Variants in EHBP1 observed in about 807,000 individuals in gnomAD.
The protein encoded by EHBP1 is EH domain binding protein 1.
A neutral mutation model predicts 144.0 loss-of-function variants in EHBP1; 55 were observed. That is an observed-to-expected ratio of 0.38 (90% CI 0.31 to 0.48). The LOEUF (loss-of-function observed/expected upper bound fraction) is 0.48. Among genes scored for constraint, EHBP1 ranks in the 20% least tolerant of loss-of-function variants. The probability of loss-of-function intolerance (pLI) is 0.98; values close to 1 mark genes in which losing one functional copy is unlikely to be tolerated. For missense variants in EHBP1, 1,200 were observed against 1,364.2 expected, an observed-to-expected ratio of 0.88 and a Z score of 1.90; for synonymous variants, 469 against 472.7, an observed-to-expected ratio of 0.99 and a Z score of 0.10.
At chr2:62,844,779 T>G (rs1264738928) in intron 7 of EHBP1, among the ~76,000 whole-genome samples, 1 of 152,204 alleles carries the variant, frequency 6.6e-6, no homozygotes, top group Non-Finnish European at 1.5e-5. Context: ...GAAAGACCCC[T>G]GATATTCTTA....
At chr2:62,695,182 A>G (rs1169560403) in intron 1 of EHBP1, among the ~76,000 whole-genome samples, 1 of 152,098 alleles carries the variant, frequency 6.6e-6, no homozygotes, top group Non-Finnish European at 1.5e-5. Flanking sequence ...ACATTGGCAA[A>G]ACTCCATTTC....
At chr2:62,943,491 A>G (rs748225221) in intron 11 of EHBP1, among the ~76,000 whole-genome samples, 4 of 152,094 alleles carry the variant, frequency 2.6e-5, no homozygotes, top group Admixed American at 1.3e-4. Context: ...TAAGCCTGTA[A>G]TTCTTTACAT....
Position 62,968,084 on chromosome 2 carries a change from A to G in EHBP1, c.2461-11104A>G, listed in dbSNP as rs567374648. On this transcript the variant is annotated intron_variant, in intron 14 of 22. Coordinates refer to ENST00000431489, the MANE Select transcript of EHBP1 (RefSeq NM_001142616.3). ...TTCTTTAAACACTAAGGTATTTCTG[A>G]GCTCTGCCCACCCCATCACTGTTGT... Among the ~76,000 whole-genome samples, 3 of 152,220 alleles carry G rather than the reference A, an allele frequency of 2.0e-5. No homozygotes were observed. The East Asian group carries it at 5.8e-4, about 29-fold the overall frequency.
intron 10 of EHBP1, among the ~76,000 whole-genome samples, chr2:62,919,766 G>A (rs1348813613): frequency 1.3e-5 from 2 of 151,828 alleles, no homozygotes; most frequent in Admixed American, 6.6e-5. Flanking sequence ...AACATATGGA[G>A]AGAATTTTAT....
At chr2:62,965,490 C>T (rs1171566851) in intron 14 of EHBP1, among the ~76,000 whole-genome samples, 1 of 152,156 alleles carries the variant, frequency 6.6e-6, no homozygotes, top group East Asian at 1.9e-4. Context: ...TAGATATTCC[C>T]ATACTTGACT....
chr2:62,877,021 A>T (rs763701892), intron 10 of EHBP1, among the ~76,000 whole-genome samples: 7 of 152,230 alleles, frequency 4.6e-5, no homozygotes, highest in Non-Finnish European at 8.8e-5. Flanking sequence ...AATGTAAATT[A>T]TCCAACTTGC....
intron 2 of EHBP1, among the ~76,000 whole-genome samples, chr2:62,728,475 C>T (rs982339220): frequency 1.3e-5 from 2 of 152,102 alleles, no homozygotes; most frequent in African/African-American, 2.4e-5. Flanking sequence ...TTTTGACTTG[C>T]GTTTCTCTAA....
intron 3 of EHBP1, among the ~76,000 whole-genome samples, chr2:62,751,333 C>T (rs1165026620): frequency 6.6e-6 from 1 of 152,138 alleles, no homozygotes; most frequent in African/African-American, 2.4e-5. Context: ...AGGGATGAAG[C>T]CCACTTGATC....
chr2:62,686,776 CAT>C (rs1278865514), intron 1 of EHBP1, among the ~76,000 whole-genome samples: 10 of 152,236 alleles, frequency 6.6e-5, no homozygotes, highest in Admixed American at 3.3e-4. Context: ...ATTTTAAACA[CAT>C]GTTTGAATCC....
chr2:62,696,142 TTCTC>T lies in EHBP1; in HGVS notation c.-295-10733_-295-10730del, dbSNP rs560824913. On this transcript the variant is annotated intron_variant, in intron 1 of 22. Transcript: ENST00000405015. The stretch of plus-strand genomic sequence containing the variant: ...AGTTTCCCTCCCTCCCTCCCTTCCT[TTCTC>T]TCTCTCTCTCTCTCTCTCTCTTTCT... Among the ~76,000 whole-genome samples the T allele has an allele frequency of 5.7e-3, 752 of 132,424 alleles. 8 individuals are homozygous for T. The highest frequency in any genetic ancestry group is 0.016 in the African/African-American group (592 of 37,220). The allele number at this position is 132,424 out of a possible 152,430, so 86.9% of individuals were successfully genotyped here. A position where few individuals can be genotyped will look rare whatever the true frequency, so the allele number is the denominator to read the frequency against.
In EHBP1 at chr2:62,948,866, A is replaced by G. The variant is rs1248634695; in HGVS notation, c.2020A>G (p.Met674Val). The G allele has an allele frequency of 6.2e-6, 10 of 1,614,086 alleles. No individual in the cohort carries two copies. The highest frequency in any genetic ancestry group is 7.6e-6 in the Non-Finnish European group (9 of 1,179,990). Residue 674 changes from methionine (M) to valine (V), a missense_variant, in exon 13 of 23, where the codon ATG becomes GTG. Transcript: ENST00000431489. ...ATATGTTAGTGATAAGAAGAAGGAT[A>G]TGTCTCCACCCTTTATTTGTGAGGA... ...DLYVSDKKKDMSPPFICEETD... is the reference protein window; with the variant it reads ...DLYVSDKKKDVSPPFICEETD...
intron 19 of EHBP1, among the ~76,000 whole-genome samples, chr2:63,034,844 G>A (rs570508830): frequency 6.6e-6 from 1 of 151,870 alleles, no homozygotes; most frequent in Non-Finnish European, 1.5e-5. Context: ...TTAGAGCTAC[G>A]AACAGTTGGG....
chr2:62,677,730 A>G (rs2033354519), intron 1 of EHBP1, among the ~76,000 whole-genome samples: 1 of 152,208 alleles, frequency 6.6e-6, no homozygotes, highest in East Asian at 1.9e-4. Flanking sequence ...AAGTGAGAAC[A>G]TGCAAAGTTT....
intron 2 of EHBP1, among the ~76,000 whole-genome samples, chr2:62,742,364 A>G (rs989855014): frequency 6.6e-6 from 1 of 152,142 alleles, no homozygotes; most frequent in African/African-American, 2.4e-5. Context: ...CCCCACAGAT[A>G]TGGAGAGACA....
chr2:62,979,170 C>A lies in EHBP1; in HGVS notation c.2461-18C>A. On this transcript the variant is annotated intron_variant, in intron 14 of 22. Transcript: ENST00000431489. ...TTTCTGTCAATTACTGAGTTGGCAA[C>A]TGTTCAATATATCTTAGCAGCAAGA... 6.3e-7 allele frequency: 1 copy of A among 1,595,048 alleles called. No individual in the cohort carries two copies. Among genetic ancestry groups the A allele is most frequent in the African/African-American group, 1.3e-5 (1 of 74,356 alleles).
intron 14 of EHBP1, among the ~76,000 whole-genome samples, chr2:62,965,682 A>G (rs575866891): frequency 1.3e-5 from 2 of 152,320 alleles, no homozygotes; most frequent in South Asian, 2.1e-4. Flanking sequence ...CAGTCTTGTC[A>G]GTTGATGTTC....
chr2:62,859,417 T>C, intron 8 of EHBP1, 126 bp downstream of exon 8: 1 of 905,584 alleles, frequency 1.1e-6, no homozygotes, highest in Non-Finnish European at 1.6e-6. Context: ...ATATTATTAT[T>C]GTGTTCAATA....
At chr2:62,730,934 GAGAT>G (rs1467888252) in intron 2 of EHBP1, among the ~76,000 whole-genome samples, 2 of 143,422 alleles carry the variant, frequency 1.4e-5, no homozygotes, top group African/African-American at 5.2e-5. Flanking sequence ...GAGAGAGACA[GAGAT>G]AGAAAGACAG....
At position 62,855,541 on chromosome 2, in the gene EHBP1, C is replaced by T. The variant is rs147655145; in HGVS notation, c.635-3628C>T. ...GCTGGGGGCCAGGCTGCCAGTTCCA[C>T]AGACCAGAGTGGGAGGTTGTGGTGC... On this transcript the variant is annotated intron_variant, in intron 7 of 22. Coordinates refer to ENST00000431489, the MANE Select transcript of EHBP1 (RefSeq NM_001142616.3). Among the ~76,000 whole-genome samples, 711 of 152,260 alleles carry T rather than the reference C, an allele frequency of 4.7e-3. 2 individuals are homozygous for T. Among genetic ancestry groups the T allele is most frequent in the Non-Finnish European group, 6.9e-3 (471 of 68,008 alleles).
Sources: allele counts gnomAD v4.1 joint callset (sites outside exome capture counted in the v4.1 genomes callset), GRCh38; gene constraint gnomAD v4.1.1; transcripts MANE v1.5; gene names NCBI Gene and HGNC (gene_info 2026-07-23, HGNC 2026-07-21).